Variants in MARCHF1 observed in about 807,000 individuals in gnomAD.
MARCHF1 encodes the protein membrane associated ring-CH-type finger 1.
A neutral mutation model predicts 54.2 loss-of-function variants in MARCHF1; 40 were observed. The ratio of observed to expected loss-of-function variants is 0.74; its 90% confidence interval spans 0.57 to 0.96. The LOEUF is 0.96. MARCHF1 is among the 40% of genes least tolerant of loss of function. The probability of loss-of-function intolerance (pLI) is 0.00; values close to 1 mark genes in which losing one functional copy is unlikely to be tolerated. For synonymous variants in MARCHF1, 236 were observed against 236.3 expected, an observed-to-expected ratio of 1.00 and a Z score of 0.01; for missense variants, 586 against 656.5, an observed-to-expected ratio of 0.89 and a Z score of 1.17.
At chr4:164,187,367 C>T (rs1287559067) in intron 1 of MARCHF1, among the ~76,000 whole-genome samples, 1 of 152,156 alleles carries the variant, frequency 6.6e-6, no homozygotes, top group Non-Finnish European at 1.5e-5. Flanking sequence ...TAATGTCTTT[C>T]TCTAAAGTGG....
chr4:164,328,254 T>C (rs1735333720), intron 1 of MARCHF1, among the ~76,000 whole-genome samples: 1 of 152,186 alleles, frequency 6.6e-6, no homozygotes, highest in South Asian at 2.1e-4. Context: ...GCTAAAACAT[T>C]AACATGGCAA....
chr4:164,289,956 CT>C (rs990209977), intron 1 of MARCHF1, among the ~76,000 whole-genome samples: 21 of 151,964 alleles, frequency 1.4e-4, no homozygotes, highest in African/African-American at 4.6e-4. Context: ...TATTCTATGT[CT>C]TCATGTATTC....
intron 3 of MARCHF1, among the ~76,000 whole-genome samples, chr4:163,864,937 G>A (rs1465333705): frequency 1.3e-5 from 2 of 151,844 alleles, no homozygotes; most frequent in African/African-American, 4.8e-5. Context: ...AACTATGGGA[G>A]ACTGGAAGAA....
At chr4:164,131,225 T>C (rs1756294686) in intron 1 of MARCHF1, among the ~76,000 whole-genome samples, 1 of 152,112 alleles carries the variant, frequency 6.6e-6, no homozygotes, top group African/African-American at 2.4e-5. Context: ...GACATGGAGC[T>C]AGAATGCCAC....
At chr4:163,577,482 A>G (rs1239973241) in intron 8 of MARCHF1, among the ~76,000 whole-genome samples, 1 of 151,956 alleles carries the variant, frequency 6.6e-6, no homozygotes, top group Non-Finnish European at 1.5e-5. Context: ...TTTGTATGTA[A>G]TCTGACCTTT....
rs537888093 is a variant in MARCHF1 at position 164,045,609 on chromosome 4, T to TTTTG, written c.-247-56904_-247-56901dup. Reference sequence around the variant, plus strand: ...GCTTCAGATTTAGTTTAGCTTAGGTTTTTGTTTGTTTGTTTGTTTGTTTGT... The same window carrying TTTTG: ...GCTTCAGATTTAGTTTAGCTTAGGTTTTTGTTTGTTTGTTTGTTTGTTTGTTTGT... On this transcript the variant is annotated intron_variant, in intron 2 of 9. Coordinates refer to ENST00000514618, the MANE Select transcript of MARCHF1 (RefSeq NM_001394959.1). 5.2e-3 allele frequency among the ~76,000 whole-genome samples: 784 copies of TTTTG among 151,728 alleles called. 2 individuals are homozygous for TTTTG. The highest frequency in any genetic ancestry group is 0.017 in the African/African-American group (698 of 41,388).
At chr4:164,090,834 A>T (rs1262742221) in intron 2 of MARCHF1, among the ~76,000 whole-genome samples, 2 of 152,152 alleles carry the variant, frequency 1.3e-5, no homozygotes, top group Non-Finnish European at 2.9e-5. Flanking sequence ...AAGCTGGTGG[A>T]GGAGGAGATA....
intron 3 of MARCHF1, among the ~76,000 whole-genome samples, chr4:163,981,326 T>C (rs1752758615): frequency 6.6e-6 from 1 of 152,174 alleles, no homozygotes; most frequent in East Asian, 1.9e-4. Flanking sequence ...ATTTGATGAG[T>C]GGGATAGTCA....
At chr4:163,886,346 TAGATATAG>T (rs941402326) in intron 3 of MARCHF1, among the ~76,000 whole-genome samples, 1 of 150,084 alleles carries the variant, frequency 6.7e-6, no homozygotes, top group African/African-American at 2.5e-5. Context: ...GATAGATAGA[TAGATATAG>T]ATAGATAGAT....
At chr4:163,976,308 T>TTATC (rs1463966889) in intron 3 of MARCHF1, among the ~76,000 whole-genome samples, 1 of 152,148 alleles carries the variant, frequency 6.6e-6, no homozygotes, top group African/African-American at 2.4e-5. Context: ...CCAAGAAAAC[T>TTATC]TATCTGCAGC....
intron 3 of MARCHF1, among the ~76,000 whole-genome samples, chr4:163,963,738 C>G (rs1752385233): frequency 6.6e-6 from 1 of 151,862 alleles, no homozygotes; most frequent in South Asian, 2.1e-4. Context: ...CTGAAGCAAC[C>G]TCTATCATGC....
intron 1 of MARCHF1, among the ~76,000 whole-genome samples, chr4:164,251,136 A>G (rs367609067): frequency 3.3e-5 from 5 of 152,268 alleles, no homozygotes; most frequent in East Asian, 1.9e-4. Flanking sequence ...TTTAGTATAA[A>G]CTTTATGTTC....
In MARCHF1 at chr4:163,564,158, T is replaced by A. The variant is rs550734393; in HGVS notation, c.1192-18415A>T. Among the ~76,000 whole-genome samples the A allele has an allele frequency of 5.3e-5, 8 of 152,316 alleles. No homozygotes were observed. The East Asian group carries it at 1.5e-3, about 29-fold the overall frequency. The stretch of plus-strand genomic sequence containing the variant: ...CCTTACTGTTCGGTACATATTTCTA[T>A]AAACAGGCTCAAATCTTTTGTGCGT... On this transcript the variant is annotated intron_variant, in intron 8 of 9. Transcript: ENST00000514618.
At chr4:163,955,527 T>C (rs962478265) in intron 3 of MARCHF1, among the ~76,000 whole-genome samples, 2 of 152,132 alleles carry the variant, frequency 1.3e-5, no homozygotes, top group Non-Finnish European at 2.9e-5. Context: ...GTCCTGTCTG[T>C]GACTGTGCTG....
intron 1 of MARCHF1, among the ~76,000 whole-genome samples, chr4:164,301,382 A>C (rs1734557327): frequency 6.6e-6 from 1 of 152,230 alleles, no homozygotes; most frequent in African/African-American, 2.4e-5. Flanking sequence ...GGGTTAAAGA[A>C]GCCATCAGTT....
intron 1 of MARCHF1, among the ~76,000 whole-genome samples, chr4:164,193,650 T>G (rs1731180918): frequency 6.6e-6 from 1 of 152,144 alleles, no homozygotes; most frequent in African/African-American, 2.4e-5. Context: ...TGAGGGCAGT[T>G]TCCTAGTCTG....
At chr4:163,664,539 A>T (rs1743463879) in intron 5 of MARCHF1, among the ~76,000 whole-genome samples, 1 of 152,110 alleles carries the variant, frequency 6.6e-6, no homozygotes. Flanking sequence ...CAGAGAACTC[A>T]GCTGCCCTCA....
chr4:163,883,052 C>T (rs1488326439), intron 3 of MARCHF1, among the ~76,000 whole-genome samples: 1 of 152,060 alleles, frequency 6.6e-6, no homozygotes, highest in African/African-American at 2.4e-5. Context: ...ACCTAGGAGA[C>T]AGGTTTGCAG....
At chr4:163,971,768 T>C (rs1280431695) in intron 3 of MARCHF1, among the ~76,000 whole-genome samples, 1 of 152,220 alleles carries the variant, frequency 6.6e-6, no homozygotes, top group Non-Finnish European at 1.5e-5. Flanking sequence ...TAAGATATAT[T>C]GGAGAGCTGC....
Sources: gnomAD v4.1 joint callset for allele counts (sites outside exome capture counted in the v4.1 genomes callset) on GRCh38, gnomAD v4.1.1 for gene constraint, MANE v1.5 for transcripts, NCBI Gene and HGNC (gene_info 2026-07-23, HGNC 2026-07-21) for gene names.